The following EYS variants were observed in gnomAD, a reference collection of about 807,000 sequenced individuals.
EYS encodes EGF-like photoreceptor maintenance factor.
Under a neutral mutation model 282.1 loss-of-function variants are expected in EYS, and 250 were observed. That is an observed-to-expected ratio of 0.89 (90% CI 0.80 to 0.98). The LOEUF (loss-of-function observed/expected upper bound fraction) is 0.98. Ranked by LOEUF, EYS falls within the 50% of genes least tolerant of loss-of-function variation. EYS has a pLI of 0.00. For missense variants in EYS, 4,016 were observed against 3,709.0 expected, an observed-to-expected ratio of 1.08 and a Z score of -2.15; for synonymous variants, 1,355 against 1,282.9, an observed-to-expected ratio of 1.06 and a Z score of -1.20.
intron 26 of EYS, among the ~76,000 whole-genome samples, chr6:64,556,858 A>G (rs1765249317): frequency 6.6e-6 from 1 of 151,956 alleles, no homozygotes; most frequent in Admixed American, 6.6e-5. Flanking sequence ...AAATAGATAA[A>G]AAGAATCACT....
At chr6:64,863,458 T>C (rs924806413) in intron 19 of EYS, among the ~76,000 whole-genome samples, 2 of 152,216 alleles carry the variant, frequency 1.3e-5, no homozygotes, top group Non-Finnish European at 2.9e-5. Context: ...GATCACACTT[T>C]TTTTCTTCAC....
chr6:64,220,509 C>G (rs543002164), intron 31 of EYS, among the ~76,000 whole-genome samples: 2 of 152,216 alleles, frequency 1.3e-5, no homozygotes, highest in Admixed American at 1.3e-4. Flanking sequence ...AGGGGTAGTT[C>G]CCTTAGCTAA....
At chr6:63,873,914 A>T (rs1407207919) in intron 35 of EYS, among the ~76,000 whole-genome samples, 4 of 151,818 alleles carry the variant, frequency 2.6e-5, no homozygotes, top group Non-Finnish European at 1.5e-5. Context: ...ATTTGGGTAG[A>T]TTGTAAAATT....
chr6:64,317,576 T>C (rs769800705), intron 29 of EYS, among the ~76,000 whole-genome samples: 14 of 151,588 alleles, frequency 9.2e-5, no homozygotes, highest in Non-Finnish European at 8.8e-5. Flanking sequence ...TTTACACTGT[T>C]GGTGGGAGTG....
intron 12 of EYS, among the ~76,000 whole-genome samples, chr6:65,288,813 T>G (rs1768442203): frequency 6.6e-6 from 1 of 151,144 alleles, no homozygotes; most frequent in Non-Finnish European, 1.5e-5. Flanking sequence ...TAAATGTGGT[T>G]AAATATTTAT....
intron 1 of EYS, among the ~76,000 whole-genome samples, chr6:65,674,501 T>C (rs1768508746): frequency 7.1e-6 from 1 of 140,298 alleles, no homozygotes; most frequent in South Asian, 2.2e-4. Context: ...AGTGATTCAT[T>C]ATATACAAGA....
chr6:65,489,058 T>C (rs753118559), intron 5 of EYS, among the ~76,000 whole-genome samples: 11 of 152,232 alleles, frequency 7.2e-5, no homozygotes, highest in Middle Eastern at 3.4e-3. Context: ...ATTCAGGACA[T>C]AGGCATGGGC....
chr6:64,830,649 A>T lies in EYS; in HGVS notation c.2993-7827T>A, dbSNP rs561110370. On this transcript the variant is annotated intron_variant, in intron 19 of 42. Coordinates refer to ENST00000503581, the MANE Select transcript of EYS (RefSeq NM_001142800.2). ...GATCAACTTTGGTGACAGAAATTGGAGTTCTTCCCAGTAATCCCTGAAAGT... is the reference window on the plus strand; with the variant it reads ...GATCAACTTTGGTGACAGAAATTGGTGTTCTTCCCAGTAATCCCTGAAAGT... Among the ~76,000 whole-genome samples, 7 of 152,032 alleles carry T rather than the reference A, an allele frequency of 4.6e-5. No individual in the cohort carries two copies. The East Asian group carries it at 1.4e-3, about 30-fold the overall frequency.
At chr6:65,409,309 G>C (rs1256679372) in intron 5 of EYS, among the ~76,000 whole-genome samples, 1 of 152,110 alleles carries the variant, frequency 6.6e-6, no homozygotes, top group Non-Finnish European at 1.5e-5. Flanking sequence ...GCCCAAGCCT[G>C]GGGTACCCAC....
intron 32 of EYS, among the ~76,000 whole-genome samples, chr6:64,067,317 C>T (rs1222500060): frequency 6.6e-6 from 1 of 152,118 alleles, no homozygotes; most frequent in Non-Finnish European, 1.5e-5. Context: ...TGAACCCGCT[C>T]ACCTAAACAT....
At chr6:63,852,232 C>G (rs974160853) in intron 36 of EYS, among the ~76,000 whole-genome samples, 2 of 149,016 alleles carry the variant, frequency 1.3e-5, no homozygotes, top group Non-Finnish European at 3.0e-5. Context: ...AAAATAGAAC[C>G]CTAGCCAGAC....
chr6:65,044,167 GT>G (rs887087724), intron 13 of EYS, among the ~76,000 whole-genome samples: 2 of 151,656 alleles, frequency 1.3e-5, no homozygotes, highest in African/African-American at 4.8e-5. Flanking sequence ...AAATGTATCT[GT>G]TTGCCATTTT....
chr6:64,821,861 A>C (rs926314385), intron 20 of EYS, 138 bp from the exon 21 acceptor site: 1 of 485,582 alleles, frequency 2.1e-6, no homozygotes, highest in East Asian at 3.4e-5. Context: ...AGCAGAGTTT[A>C]TTCCTGGGTT....
intron 41 of EYS, among the ~76,000 whole-genome samples, chr6:63,762,037 A>G (rs947195069): frequency 6.6e-6 from 1 of 151,958 alleles, no homozygotes; most frequent in Non-Finnish European, 1.5e-5. Context: ...ACTTGGGGCC[A>G]TTTCTCCTCT....
In EYS at chr6:64,877,682, T is replaced by C. The variant is rs1206026710; in HGVS notation, c.2992+9015A>G. ...CAACAAGAAGAATACCATTTTAATC[T>C]TGGGATTAAAGCATGATTGGAAGTG... On this transcript the variant is annotated intron_variant, in intron 19 of 42. Coordinates refer to ENST00000503581, the MANE Select transcript of EYS (RefSeq NM_001142800.2). Among the ~76,000 whole-genome samples the C allele has an allele frequency of 2.0e-5, 3 of 152,144 alleles. No homozygotes were observed. The East Asian group carries it at 5.8e-4, about 29-fold the overall frequency.
intron 31 of EYS, among the ~76,000 whole-genome samples, chr6:64,120,357 TAAAAAA>T (rs34632243): frequency 1.3e-5 from 1 of 76,774 alleles, no homozygotes; most frequent in Admixed American, 1.7e-4. Flanking sequence ...CTCCATCTCT[TAAAAAA>T]AAAAAAAAAA....
At chr6:64,349,474 CA>C (rs1771535607) in intron 29 of EYS, among the ~76,000 whole-genome samples, 1 of 151,030 alleles carries the variant, frequency 6.6e-6, no homozygotes, top group South Asian at 2.1e-4. Context: ...TACTTGTTTT[CA>C]GCCTGAACAA....
At chr6:64,437,111 C>T (rs2150464692) in intron 27 of EYS, among the ~76,000 whole-genome samples, 1 of 151,568 alleles carries the variant, frequency 6.6e-6, no homozygotes, top group South Asian at 2.1e-4. Context: ...GATATTTGGG[C>T]CATTGCAAAA....
At chr6:64,394,646 A>C (rs1049538225) in intron 28 of EYS, among the ~76,000 whole-genome samples, 3 of 151,846 alleles carry the variant, frequency 2.0e-5, no homozygotes, top group African/African-American at 7.3e-5. Context: ...TGGATTAAAG[A>C]CTTAAACATT....
Sources: gnomAD v4.1 joint callset for allele counts (sites outside exome capture counted in the v4.1 genomes callset) on GRCh38, gnomAD v4.1.1 for gene constraint, MANE v1.5 for transcripts, NCBI Gene and HGNC (gene_info 2026-07-23, HGNC 2026-07-21) for gene names.